CDH13: variants seen among roughly 807,000 people sequenced by gnomAD.
CDH13 encodes cadherin-13.
CDH13 carries 24 observed loss-of-function variants against 63.8 expected under a neutral mutation model. The observed-to-expected ratio is 0.38, with a 90% CI of 0.27 to 0.53. The LOEUF is 0.53. CDH13 is among the 20% of genes least tolerant of loss of function. The probability of loss-of-function intolerance (pLI) is 0.85; values close to 1 mark genes in which losing one functional copy is unlikely to be tolerated. For missense variants in CDH13, 1,049 were observed against 903.1 expected (o/e 1.16, Z -2.07); for synonymous variants, 503 against 355.3 (o/e 1.42, Z -4.67).
At chr16:83,225,034 G>A (rs1425814020) in intron 5 of CDH13, among the ~76,000 whole-genome samples, 3 of 152,138 alleles carry the variant, frequency 2.0e-5, no homozygotes, top group East Asian at 1.9e-4. Context: ...GACTAACAGC[G>A]TCACCTGGGA....
chr16:83,177,778 C>G (rs1388544809), intron 4 of CDH13, among the ~76,000 whole-genome samples: 4 of 152,202 alleles, frequency 2.6e-5, no homozygotes, highest in East Asian at 3.9e-4. Context: ...AAGAGAATGT[C>G]AAACCAAATT....
At chr16:83,162,651 T>TA (rs1268354232) in intron 4 of CDH13, among the ~76,000 whole-genome samples, 2 of 151,444 alleles carry the variant, frequency 1.3e-5, no homozygotes, top group South Asian at 2.1e-4. Context: ...CCTAAACAGT[T>TA]ACTGAATGAG....
intron 6 of CDH13, among the ~76,000 whole-genome samples, chr16:83,372,536 G>A (rs552522172): frequency 2.6e-5 from 4 of 151,960 alleles, no homozygotes; most frequent in Non-Finnish European, 5.9e-5. Context: ...GGTGGACCAC[G>A]AGGTCAAGAG....
intron 5 of CDH13, among the ~76,000 whole-genome samples, chr16:83,301,856 A>C (rs1226933057): frequency 1.3e-5 from 2 of 152,060 alleles, no homozygotes; most frequent in African/African-American, 4.8e-5. Flanking sequence ...TGCTTAATTT[A>C]AAGAAATAGG....
In CDH13 at chr16:82,647,175, G is replaced by A. The variant is rs754951329; in HGVS notation, c.45+20038G>A. On this transcript the variant is annotated intron_variant, in intron 1 of 13. Coordinates refer to ENST00000567109, the MANE Select transcript of CDH13 (RefSeq NM_001257.5). ...TTACCAGATCTATGAAATGTCGGCAGTGAAACCTAGCTGATATGACTGGGA... is the reference window on the plus strand; with the variant it reads ...TTACCAGATCTATGAAATGTCGGCAATGAAACCTAGCTGATATGACTGGGA... 2.6e-5 allele frequency among the ~76,000 whole-genome samples: 4 copies of A among 152,322 alleles called. No individual in the cohort carries two copies. In the East Asian group the frequency reaches 5.8e-4, roughly 22 times the overall value.
chr16:83,284,925 C>G (rs1317102347), intron 5 of CDH13, among the ~76,000 whole-genome samples: 1 of 152,138 alleles, frequency 6.6e-6, no homozygotes, highest in African/African-American at 2.4e-5. Context: ...TTCTCTTGAG[C>G]TGGTTACAGC....
intron 1 of CDH13, among the ~76,000 whole-genome samples, chr16:82,710,552 A>AAAAAAATATAT (rs60196638): frequency 6.3e-5 from 4 of 63,772 alleles, no homozygotes; most frequent in African/African-American, 1.2e-4. Flanking sequence ...AAAAAAAAAA[A>AAAAAAATATAT]ATATATATAT....
intron 4 of CDH13, among the ~76,000 whole-genome samples, chr16:83,170,974 C>A (rs1373732615): frequency 6.6e-6 from 1 of 152,052 alleles, no homozygotes; most frequent in African/African-American, 2.4e-5. Flanking sequence ...ACCTCCCCAT[C>A]AGTCTTTTTA....
At chr16:82,683,824 TG>T (rs763643928) in intron 1 of CDH13, among the ~76,000 whole-genome samples, 35 of 152,382 alleles carry the variant, frequency 2.3e-4, no homozygotes, top group Non-Finnish European at 4.0e-4. Context: ...TTTTGCTTTC[TG>T]GTGATGGTAG....
At chr16:83,316,897 G>T (rs561543463) in intron 5 of CDH13, among the ~76,000 whole-genome samples, 1 of 152,168 alleles carries the variant, frequency 6.6e-6, no homozygotes, top group East Asian at 1.9e-4. Flanking sequence ...GCTGGGCTGG[G>T]CTCCAGGCTG....
At chr16:83,556,535 G>A (rs1263694841) in intron 7 of CDH13, among the ~76,000 whole-genome samples, 1 of 152,162 alleles carries the variant, frequency 6.6e-6, no homozygotes, top group Non-Finnish European at 1.5e-5. Flanking sequence ...TTGAACCTCG[G>A]AGGGGTCAAA....
chr16:82,920,106 T>C (rs2042108003), intron 2 of CDH13, among the ~76,000 whole-genome samples: 3 of 152,194 alleles, frequency 2.0e-5, no homozygotes, highest in African/African-American at 7.2e-5. Flanking sequence ...GCATGCCTCA[T>C]GTATGCGAGA....
At chr16:83,328,620 G>A (rs888163956) in intron 5 of CDH13, among the ~76,000 whole-genome samples, 3 of 152,130 alleles carry the variant, frequency 2.0e-5, no homozygotes, top group Non-Finnish European at 2.9e-5. Flanking sequence ...TGGCTTGGCT[G>A]AGAAGGTAAC....
chr16:83,042,902 A>G (rs1000664718), intron 3 of CDH13, among the ~76,000 whole-genome samples: 3 of 152,232 alleles, frequency 2.0e-5, no homozygotes, highest in African/African-American at 7.2e-5. Flanking sequence ...AAAGATGTGG[A>G]CACTTAATAT....
In CDH13 at chr16:83,588,706, C is replaced by T. The variant is rs145952743; in HGVS notation, c.961-13748C>T. ...ACTTTGTAGATGGCAGGACATTCAT[C>T]TTCCCACTAGACAGATTTTGAAGGA... On this transcript the variant is annotated intron_variant, in intron 7 of 13. Transcript: ENST00000567109. 1.3e-3 allele frequency among the ~76,000 whole-genome samples: 193 copies of T among 152,246 alleles called. 1 individual carries two copies. Among genetic ancestry groups the T allele is most frequent in the Non-Finnish European group, 2.2e-3 (148 of 68,040 alleles).
At chr16:83,429,944 C>T (rs527898161) in intron 6 of CDH13, among the ~76,000 whole-genome samples, 1 of 152,150 alleles carries the variant, frequency 6.6e-6, no homozygotes, top group Non-Finnish European at 1.5e-5. Context: ...TTATTAATTC[C>T]TCATTTCCCC....
chr16:83,452,451 G>T (rs1453240050), intron 6 of CDH13, among the ~76,000 whole-genome samples: 1 of 152,094 alleles, frequency 6.6e-6, no homozygotes, highest in East Asian at 1.9e-4. Flanking sequence ...TGAGAGCTTT[G>T]TAATAAGTTT....
At chr16:83,648,021 T>G (rs1405025227) in intron 8 of CDH13, among the ~76,000 whole-genome samples, 4 of 152,068 alleles carry the variant, frequency 2.6e-5, no homozygotes, top group Non-Finnish European at 4.4e-5. Context: ...GAAACTGGAG[T>G]CTAGTGACCA....
At chr16:83,336,919 TG>T (rs745511920) in intron 5 of CDH13, among the ~76,000 whole-genome samples, 2 of 152,220 alleles carry the variant, frequency 1.3e-5, no homozygotes, top group Non-Finnish European at 2.9e-5. Context: ...TAACACATTT[TG>T]TTTTTCATCA....
Sources: gnomAD v4.1 joint callset for allele counts (sites outside exome capture counted in the v4.1 genomes callset) on GRCh38, gnomAD v4.1.1 for gene constraint, MANE v1.5 for transcripts, NCBI Gene and HGNC (gene_info 2026-07-23, HGNC 2026-07-21) for gene names.